FGF14: variants seen among roughly 807,000 people sequenced by gnomAD.
FGF14 encodes fibroblast growth factor homologous factor 4.
A neutral mutation model predicts 25.5 loss-of-function variants in FGF14; 5 were observed. The observed-to-expected ratio is 0.20, with a 90% CI of 0.10 to 0.41. The LOEUF is 0.41. Among genes scored for constraint, FGF14 ranks in the 10% least tolerant of loss-of-function variants. The pLI, the probability that FGF14 is intolerant of heterozygous loss-of-function variation, is 1.00. For synonymous variants in FGF14, 138 were observed against 118.3 expected (o/e 1.17, Z -1.08); for missense variants, 222 against 320.1 (o/e 0.69, Z 2.34).
chr13:101,812,653 A>ATT (rs869237724), intron 3 of FGF14, among the ~76,000 whole-genome samples: 2 of 11,618 alleles, frequency 1.7e-4, no homozygotes, highest in African/African-American at 5.7e-4. Context: ...ATATATATAT[A>ATT]TTTTTTTTTT....
At chr13:102,079,798 A>G (rs1416186097) in intron 1 of FGF14, among the ~76,000 whole-genome samples, 1 of 152,178 alleles carries the variant, frequency 6.6e-6, no homozygotes, top group Admixed American at 6.5e-5. Flanking sequence ...TGATGGTGAT[A>G]AGAGGGAAGG....
chr13:102,135,474 T>C (rs1389502812), intron 1 of FGF14, among the ~76,000 whole-genome samples: 1 of 152,140 alleles, frequency 6.6e-6, no homozygotes, highest in Non-Finnish European at 1.5e-5. Context: ...TTTATCTGAG[T>C]TAAACTTGGA....
intron 1 of FGF14, among the ~76,000 whole-genome samples, chr13:102,025,542 G>A (rs961015679): frequency 6.6e-6 from 1 of 151,894 alleles, no homozygotes; most frequent in Non-Finnish European, 1.5e-5. Flanking sequence ...CTGAGTAGCT[G>A]GGACTACAGG....
chr13:102,132,984 T>C (rs980905091), intron 1 of FGF14, among the ~76,000 whole-genome samples: 9 of 152,240 alleles, frequency 5.9e-5, no homozygotes, highest in African/African-American at 1.4e-4. Context: ...TCTGAAAACA[T>C]AGCCACCAGG....
intron 1 of FGF14, among the ~76,000 whole-genome samples, chr13:102,278,401 T>C (rs1289380308): frequency 6.6e-6 from 1 of 152,164 alleles, no homozygotes; most frequent in Admixed American, 6.6e-5. Context: ...AATACAGTGG[T>C]ATGTACTGAC....
At chr13:102,234,064 G>T (rs569434612) in intron 1 of FGF14, among the ~76,000 whole-genome samples, 1 of 152,282 alleles carries the variant, frequency 6.6e-6, no homozygotes, top group South Asian at 2.1e-4. Context: ...ATGTGGAGTG[G>T]TTTAACAGGC....
intron 3 of FGF14, among the ~76,000 whole-genome samples, chr13:101,832,706 A>G (rs1041630059): frequency 2.0e-5 from 3 of 152,060 alleles, no homozygotes; most frequent in Non-Finnish European, 1.5e-5. Context: ...TGGCAGTGGG[A>G]CCACTGCTCC....
At chr13:102,366,616 T>A (rs1463706275) in intron 1 of FGF14, 2 of 74,114 alleles carry the variant, frequency 2.7e-5, no homozygotes, top group African/African-American at 6.5e-5. Context: ...ACATTCTCCT[T>A]GCAAAAAAAA....
Position 101,978,307 on chromosome 13 carries a change from G to A in FGF14, c.209-103011C>T, listed in dbSNP as rs1207659685. On this transcript the variant is annotated intron_variant, in intron 1 of 4. Transcript: ENST00000376131. ...GTGCAGAATGGTGATATTTGATGTG[G>A]CATTTTCTTGACATTTCTAGGCTAC... Among the ~76,000 whole-genome samples, 4 of 152,118 alleles carry A rather than the reference G, an allele frequency of 2.6e-5. No homozygotes were observed. The South Asian group carries it at 8.3e-4, about 32-fold the overall frequency.
At chr13:101,989,510 C>T (rs972395994) in intron 1 of FGF14, among the ~76,000 whole-genome samples, 1 of 151,988 alleles carries the variant, frequency 6.6e-6, no homozygotes, top group African/African-American at 2.4e-5. Flanking sequence ...GTGACTATTT[C>T]CTAAATCCCT....
chr13:101,775,435 A>G (rs1029399677), intron 3 of FGF14, among the ~76,000 whole-genome samples: 2 of 152,180 alleles, frequency 1.3e-5, no homozygotes, highest in Admixed American at 1.3e-4. Context: ...TCCCATTTAA[A>G]TAGCTGCTAT....
chr13:102,003,261 C>G (rs1440748433), intron 1 of FGF14: 1 of 152,048 alleles, frequency 6.6e-6, no homozygotes, highest in African/African-American at 2.4e-5. Flanking sequence ...TCCAGAAGAC[C>G]ATGTACTACA....
chr13:102,396,494 T>A (rs1469562168), intron 1 of FGF14, among the ~76,000 whole-genome samples: 1 of 152,244 alleles, frequency 6.6e-6, no homozygotes, highest in African/African-American at 2.4e-5. Context: ...GTTGTTGTCC[T>A]TGTTACCATA....
intron 1 of FGF14, among the ~76,000 whole-genome samples, chr13:102,144,560 GAGAAT>G (rs2046776890): frequency 8.9e-6 from 1 of 112,560 alleles, no homozygotes; most frequent in Admixed American, 8.1e-5. Context: ...ATAAATAAAA[GAGAAT>G]AGAGTCCATA....
chr13:101,758,594 A>G (rs1375408467), intron 3 of FGF14, among the ~76,000 whole-genome samples: 1 of 152,212 alleles, frequency 6.6e-6, no homozygotes, highest in Non-Finnish European at 1.5e-5. Context: ...TAAAGACACA[A>G]TAACTAAATA....
intron 1 of FGF14, among the ~76,000 whole-genome samples, chr13:102,232,374 G>A (rs2051124659): frequency 6.6e-6 from 1 of 152,084 alleles, no homozygotes; most frequent in African/African-American, 2.4e-5. Context: ...ATCCTATCAA[G>A]CTATCACAAG....
At chr13:102,248,392 G>A (rs965287023) in intron 1 of FGF14, among the ~76,000 whole-genome samples, 7 of 152,048 alleles carry the variant, frequency 4.6e-5, no homozygotes, top group Non-Finnish European at 1.0e-4. Context: ...ATAAAATGAG[G>A]AAACAGATAA....
chr13:101,778,018 G>T (rs939550741), intron 3 of FGF14, among the ~76,000 whole-genome samples: 1 of 152,134 alleles, frequency 6.6e-6, no homozygotes, highest in Non-Finnish European at 1.5e-5. Flanking sequence ...ACACTGTAAT[G>T]AAACTGTGAT....
At chr13:102,227,505 C>T (rs2050880373) in intron 1 of FGF14, among the ~76,000 whole-genome samples, 1 of 152,086 alleles carries the variant, frequency 6.6e-6, no homozygotes, top group Admixed American at 6.6e-5. Flanking sequence ...TATGCATCCC[C>T]ACCCTGATGT....
Sources: gnomAD v4.1 joint callset for allele counts (sites outside exome capture counted in the v4.1 genomes callset) on GRCh38, gnomAD v4.1.1 for gene constraint, MANE v1.5 for transcripts, NCBI Gene and HGNC (gene_info 2026-07-23, HGNC 2026-07-21) for gene names.